The following SORL1 variants were observed in gnomAD, a reference collection of about 807,000 sequenced individuals.
The protein encoded by SORL1 is sortilin related receptor 1.
Under a neutral mutation model 273.7 loss-of-function variants are expected in SORL1, and 127 were observed. The ratio of observed to expected loss-of-function variants is 0.46; its 90% CI spans 0.40 to 0.54. SORL1 has a LOEUF of 0.54. Ranked by LOEUF, SORL1 falls within the 20% of genes least tolerant of loss-of-function variation. The probability of loss-of-function intolerance (pLI) is 0.00; values close to 1 mark genes in which losing one functional copy is unlikely to be tolerated. For synonymous variants in SORL1, 1,031 were observed against 1,067.4 expected (o/e 0.97, Z 0.66); for missense variants, 2,494 against 2,846.1 (o/e 0.88, Z 2.81).
intron 28 of SORL1, among the ~76,000 whole-genome samples, chr11:121,588,820 C>G (rs968296929): frequency 3.3e-5 from 5 of 152,176 alleles, no homozygotes; most frequent in African/African-American, 1.2e-4. Flanking sequence ...AGACGGCTGC[C>G]TGGCTGCCTT....
Position 121,602,853 on chromosome 11 carries a change from C to G in SORL1, c.4520-1340C>G, listed in dbSNP as rs753774467. ...TTCCTTCCATAGTTAGCTTGGCCTA[C>G]GTGCAGAGATAGGCAGAGGCCGTTA... On this transcript the variant is annotated intron_variant, in intron 32 of 47. Coordinates refer to ENST00000260197, the MANE Select transcript of SORL1 (RefSeq NM_003105.6). 2.0e-5 allele frequency among the ~76,000 whole-genome samples: 3 copies of G among 152,212 alleles called. No individual in the cohort carries two copies. In the East Asian group the frequency reaches 5.8e-4, roughly 29 times the overall value.
chr11:121,564,115 G>C (rs1440204120), intron 21 of SORL1, among the ~76,000 whole-genome samples: 1 of 152,220 alleles, frequency 6.6e-6, no homozygotes, highest in Non-Finnish European at 1.5e-5. Context: ...TCTTCACATT[G>C]AGATAACGGT....
At position 121,523,210 on chromosome 11, in the gene SORL1, A is replaced by C. The variant is rs573154305; in HGVS notation, c.1596+221A>C. On this transcript the variant is annotated intron_variant, in intron 11 of 47. Transcript: ENST00000260197. ...TTTGCAAATGTGTGAATTTTACTGA[A>C]CATTCTAAGATTATGAGTTCTATGA... Among the ~76,000 whole-genome samples, 25 of 152,316 alleles carry C rather than the reference A, an allele frequency of 1.6e-4. No homozygotes were observed. In the South Asian group the frequency reaches 4.8e-3, roughly 29 times the overall value.
chr11:121,587,918 C>T, intron 27 of SORL1, 102 bp from the exon 28 acceptor site: 1 of 1,415,074 alleles, frequency 7.1e-7, no homozygotes, highest in Non-Finnish European at 9.7e-7. Flanking sequence ...TTTACTGTTG[C>T]TTCCTGAAGC....
intron 28 of SORL1, 68 bp from the exon 29 acceptor site, chr11:121,589,191 C>T (rs1863169054): frequency 1.9e-6 from 3 of 1,577,676 alleles, no homozygotes; most frequent in African/African-American, 1.3e-5. Context: ...TGCTTCTGGG[C>T]ACCACTGCTG....
At chr11:121,536,397 G>A (rs1431098625) in intron 12 of SORL1, among the ~76,000 whole-genome samples, 2 of 150,774 alleles carry the variant, frequency 1.3e-5, no homozygotes, top group African/African-American at 4.9e-5. Context: ...GCCCCTTGAG[G>A]TATAGAGAAG....
At position 121,452,714 on chromosome 11, in the gene SORL1, C is replaced by A; in HGVS notation, c.285+98C>A. On this transcript the variant is annotated intron_variant, in intron 1 of 47. Transcript: ENST00000260197. The surrounding 1 kb of genome is among the most constrained non-coding windows in gnomAD (Gnocchi z 5.3). ...GTTGCAGTCGCCTCCTAGGTGCAGG[C>A]ACCACTGGGGACTTCCCGGCTTGCA... The A allele has an allele frequency of 1.8e-6, 2 of 1,133,052 alleles. No homozygotes were observed. The highest frequency in any genetic ancestry group is 2.3e-6 in the Non-Finnish European group (2 of 857,098). The allele number at this position is 1,133,052 out of a possible 1,614,324, so 70.2% of individuals were successfully genotyped here. A position where few individuals can be genotyped will look rare whatever the true frequency, so the allele number is the denominator to read the frequency against.
Position 121,517,228 on chromosome 11 carries a change from T to C in SORL1, c.1211+2907T>C, listed in dbSNP as rs185614755. ...AACCCCATGCCCATTAAGCCGCTTC[T>C]CTCCACCGTCCCCTTCTCCCAGCCC... is the stretch of plus-strand genomic sequence containing the variant. On this transcript the variant is annotated intron_variant, in intron 8 of 47. Coordinates refer to ENST00000260197, the MANE Select transcript of SORL1 (RefSeq NM_003105.6). Among the ~76,000 whole-genome samples, 740 of 152,262 alleles carry C rather than the reference T, an allele frequency of 4.9e-3. 6 individuals carry two copies. The highest frequency in any genetic ancestry group is 0.017 in the African/African-American group (710 of 41,546).
intron 3 of SORL1, among the ~76,000 whole-genome samples, chr11:121,483,301 C>T (rs1177600638): frequency 6.6e-6 from 1 of 152,204 alleles, no homozygotes; most frequent in Non-Finnish European, 1.5e-5. Flanking sequence ...ACAGCCTCAG[C>T]CTCAGCAGAA....
chr11:121,479,281 T>C (rs1351660736), intron 3 of SORL1, among the ~76,000 whole-genome samples: 2 of 152,148 alleles, frequency 1.3e-5, no homozygotes, highest in Non-Finnish European at 2.9e-5. Context: ...AGCTCTTAGC[T>C]CGGAGAGTTG....
At chr11:121,556,334 G>C (rs1302362594) in intron 18 of SORL1, among the ~76,000 whole-genome samples, 1 of 152,190 alleles carries the variant, frequency 6.6e-6, no homozygotes, top group Non-Finnish European at 1.5e-5. Context: ...TGCGCTTTTG[G>C]AGAGTGGGGC....
intron 21 of SORL1, among the ~76,000 whole-genome samples, chr11:121,564,628 G>A (rs553598456): frequency 1.3e-5 from 2 of 152,242 alleles, no homozygotes; most frequent in African/African-American, 4.8e-5. Flanking sequence ...CCAGGCTGGA[G>A]TGCAGTGGCG....
intron 24 of SORL1, among the ~76,000 whole-genome samples, chr11:121,575,730 C>T (rs981269281): frequency 6.6e-6 from 1 of 152,222 alleles, no homozygotes; most frequent in South Asian, 2.1e-4. Context: ...CAACTATTTC[C>T]CCTTCATCCC....
Position 121,520,692 on chromosome 11 carries a change from G to A in SORL1, c.1247G>A (p.Arg416Gln), listed in dbSNP as rs377550239. Reference sequence around the variant, plus strand: ...AATGAACCATTTGCTGACTTCCACCGAGTGGAAGGATTGCAAGGAGTCTAC... The same window carrying A: ...AATGAACCATTTGCTGACTTCCACCAAGTGGAAGGATTGCAAGGAGTCTAC... ...FANEPFADFH[R>Q]VEGLQGVYIA... The change falls in exon 9 of 48, where the codon CGA (arginine) becomes CAA (glutamine). Residue 416 changes from arginine to glutamine, a missense_variant. Physicochemically the swap from Arg to Gln is conservative, Grantham distance 43. Coordinates refer to ENST00000260197, the MANE Select transcript of SORL1 (RefSeq NM_003105.6). The A allele has an allele frequency of 7.7e-5, 123 of 1,589,096 alleles. No individual in the cohort carries two copies. The highest frequency in any genetic ancestry group is 9.8e-5 in the Non-Finnish European group (115 of 1,169,668).
chr11:121,602,888 A>G (rs1049046991), intron 32 of SORL1, among the ~76,000 whole-genome samples: 1 of 152,202 alleles, frequency 6.6e-6, no homozygotes, highest in South Asian at 2.1e-4. Flanking sequence ...AACCTACAAG[A>G]TGTCACCATG....
At position 121,555,702 on chromosome 11, in the gene SORL1, C is replaced by T. The variant is rs150197606; in HGVS notation, c.2571+384C>T. 4.5e-3 allele frequency among the ~76,000 whole-genome samples: 679 copies of T among 152,152 alleles called. 2 individuals carry two copies. Among genetic ancestry groups the T allele is most frequent in the African/African-American group, 0.015 (642 of 41,498 alleles). The stretch of plus-strand genomic sequence containing the variant: ...ATTATTATAATGCTATAACAATAAT[C>T]GTCTAGTATTATTTTATTCGATTAG... On this transcript the variant is annotated intron_variant, in intron 18 of 47. Transcript: ENST00000260197.
intron 29 of SORL1, 120 bp from the exon 30 acceptor site, chr11:121,589,918 CTT>C (rs1397517306): frequency 8.3e-7 from 1 of 1,197,942 alleles, no homozygotes; most frequent in African/African-American, 1.5e-5. Flanking sequence ...TGCCTTATCT[CTT>C]TATGGGTGGG....
At chr11:121,480,684 T>C (rs1359395286) in intron 3 of SORL1, among the ~76,000 whole-genome samples, 1 of 147,924 alleles carries the variant, frequency 6.8e-6, no homozygotes, top group East Asian at 2.0e-4. Flanking sequence ...AGTGCACAGA[T>C]ACCTATAGGC....
chr11:121,603,996 G>A (rs1001443239), intron 32 of SORL1, among the ~76,000 whole-genome samples, 197 bp from the exon 33 acceptor site: 4 of 152,176 alleles, frequency 2.6e-5, no homozygotes, highest in African/African-American at 9.7e-5. Context: ...CACTCTTCCC[G>A]AATGCAGATT....
Sources: allele counts gnomAD v4.1 joint callset (sites outside exome capture counted in the v4.1 genomes callset), GRCh38; gene constraint gnomAD v4.1.1; non-coding constraint Gnocchi (gnomAD v3.1); transcripts MANE v1.5; gene names NCBI Gene and HGNC (gene_info 2026-07-23, HGNC 2026-07-21).